The following AZIN2 variants were observed in gnomAD, a reference collection of about 807,000 sequenced individuals.
AZIN2 encodes antizyme inhibitor 2.
In AZIN2, 28 loss-of-function variants were observed where a neutral mutation model predicts 47.8. The ratio of observed to expected loss-of-function variants is 0.59; its 90% CI spans 0.43 to 0.80. AZIN2 has a LOEUF of 0.80. Ranked by LOEUF, AZIN2 falls within the 30% of genes least tolerant of loss-of-function variation. The probability of loss-of-function intolerance (pLI) is 0.00; values close to 1 mark genes in which losing one functional copy is unlikely to be tolerated. For missense variants in AZIN2, 535 were observed against 582.5 expected (o/e 0.92, Z 0.84); for synonymous variants, 221 against 239.4 (o/e 0.92, Z 0.71).
chr1:33,158,838 T>G, the AZIN2 span, among the ~76,000 whole-genome samples: 1 of 150,806 alleles, frequency 6.6e-6, no homozygotes, highest in Non-Finnish European at 1.5e-5. Context: ...AGTTTTTTTC[T>G]TTTTTTTCTT....
At chr1:33,093,166 G>T in intron 6 of AZIN2, 116 bp from the exon 7 acceptor site, 1 of 1,392,772 alleles carries the variant, frequency 7.2e-7, no homozygotes, top group Non-Finnish European at 9.9e-7. Context: ...AGGGGTCAGG[G>T]AGCCTGTGGG....
rs543894651 is a variant in AZIN2 at position 33,088,912 on chromosome 1, A to G, written c.280-3138A>G. Among the ~76,000 whole-genome samples, 30 of 152,190 alleles carry G rather than the reference A, an allele frequency of 2.0e-4. No individual in the cohort carries two copies. In the South Asian group the frequency reaches 3.9e-3, roughly 20 times the overall value. On this transcript the variant is annotated intron_variant, in intron 5 of 11. Coordinates refer to ENST00000294517, the MANE Select transcript of AZIN2 (RefSeq NM_052998.4). ...GTAATTCCATCATTATTCAGCGCTC[A>G]TTTGGGACTGCCCTGCCTATCTTTC...
At chr1:33,124,475 C>T (rs1644843185), downstream of AZIN2, among the ~76,000 whole-genome samples, 1 of 152,136 alleles carries the variant, frequency 6.6e-6, no homozygotes, top group Non-Finnish European at 1.5e-5. The surrounding 1 kb of genome is among the most constrained non-coding windows in gnomAD (Gnocchi z 4.6). Flanking sequence ...GTGGCATGTA[C>T]TTCCTTCACC....
At chr1:33,094,753 C>T (rs372823554) in intron 8 of AZIN2, 40 bp downstream of exon 8, 57 of 1,606,174 alleles carry the variant, frequency 3.5e-5, no homozygotes, top group African/African-American at 1.9e-4. Context: ...GGCTCTATGG[C>T]GGGGAGGATA....
chr1:33,101,704 G>A, intron 10 of AZIN2: 1 of 578,438 alleles, frequency 1.7e-6, no homozygotes, highest in Non-Finnish European at 3.1e-6. Context: ...TTCTTTTTCA[G>A]TATAGGTTTA....
In AZIN2 at chr1:33,096,826, C is replaced by T; in HGVS notation, c.873C>T (p.Ile291=). ...CGGCCTTCACTGTGGCAGTCAGCAT[C>T]ATTGCCAAGAAGGAGGTTCTGCTAG... is the stretch of plus-strand genomic sequence containing the variant. ...VTSAFTVAVS[I]IAKKEVLLDQ... is the part of the protein sequence containing the mutation. The change falls in exon 9 of 12, where the codon ATC becomes ATT. Residue 291 remains isoleucine (I), a synonymous_variant. Transcript: ENST00000294517. The T allele has an allele frequency of 6.2e-7, 1 of 1,614,204 alleles. No individual in the cohort carries two copies. Among genetic ancestry groups the T allele is most frequent in the Non-Finnish European group, 8.5e-7 (1 of 1,180,030 alleles).
At chr1:33,109,581 G>A (rs1281772751) in intron 10 of AZIN2, among the ~76,000 whole-genome samples, 1 of 151,906 alleles carries the variant, frequency 6.6e-6, no homozygotes, top group Non-Finnish European at 1.5e-5. Flanking sequence ...TGCCTGCCTC[G>A]ACCTCCCAAA....
At chr1:33,139,906 T>C in the AZIN2 span, among the ~76,000 whole-genome samples, 1 of 152,154 alleles carries the variant, frequency 6.6e-6, no homozygotes, top group Middle Eastern at 3.2e-3. Context: ...CTCTGCTGCT[T>C]GTCAGGGTTT....
At chr1:33,095,139 T>G (rs543809122) in intron 8 of AZIN2, among the ~76,000 whole-genome samples, 1 of 152,216 alleles carries the variant, frequency 6.6e-6, no homozygotes, top group Non-Finnish European at 1.5e-5. Context: ...TTACCCACTG[T>G]GAGGTGAAGT....
chr1:33,094,949 A>T (rs1199838108), intron 8 of AZIN2, among the ~76,000 whole-genome samples: 1 of 152,192 alleles, frequency 6.6e-6, no homozygotes, highest in African/African-American at 2.4e-5. Context: ...CCTGCCATGC[A>T]CTTCAGCCAA....
At chr1:33,160,018 G>A in the AZIN2 span, 19 of 1,555,584 alleles carry the variant, frequency 1.2e-5, no homozygotes, top group South Asian at 1.2e-4. Flanking sequence ...GGAGGAAATC[G>A]AGAGCCTTGA....
At chr1:33,143,580 G>A in the AZIN2 span, among the ~76,000 whole-genome samples, 3 of 152,058 alleles carry the variant, frequency 2.0e-5, no homozygotes, top group Non-Finnish European at 4.4e-5. Context: ...TCCCATCCTC[G>A]TTCTCATTCC....
At chr1:33,102,004 C>T (rs1382322166) in intron 10 of AZIN2, 1 of 671,062 alleles carries the variant, frequency 1.5e-6, no homozygotes, top group Non-Finnish European at 2.8e-6. Context: ...TTCTTGTTTC[C>T]CTCTCTCTGA....
Position 33,096,812 on chromosome 1 carries a change from G to A in AZIN2, c.859G>A (p.Val287Met). The A allele has an allele frequency of 6.2e-7, 1 of 1,614,214 alleles. No individual in the cohort carries two copies. Residue 287 changes from valine to methionine, a missense_variant, in exon 9 of 12, where the codon GTG (valine) becomes ATG (methionine). Around this residue, in one of 3 missense-constraint regions of AZIN2, gnomAD observed 409 missense variants for 429.0 expected, o/e 0.95. Coordinates refer to ENST00000294517, the MANE Select transcript of AZIN2 (RefSeq NM_052998.4). Reference protein sequence around the residue: ...GRYYVTSAFTVAVSIIAKKEV... With the variant: ...GRYYVTSAFTMAVSIIAKKEV... The stretch of plus-strand genomic sequence containing the variant: ...CTACTACGTGACCTCGGCCTTCACT[G>A]TGGCAGTCAGCATCATTGCCAAGAA...
At chr1:33,135,435 C>T in the AZIN2 span, among the ~76,000 whole-genome samples, 1 of 152,352 alleles carries the variant, frequency 6.6e-6, no homozygotes, top group Admixed American at 6.5e-5. Flanking sequence ...AAGAGACCAC[C>T]TGGCACGTGG....
At position 33,084,811 on chromosome 1, in the gene AZIN2, G is replaced by A. The variant is rs117018892; in HGVS notation, c.279+684G>A. On this transcript the variant is annotated intron_variant, in intron 5 of 11. Transcript: ENST00000294517. ...GACAGGATTTCAGCATGTTGGCCAG[G>A]TTGATCTCAAACTCCTGAACTCAGG... 3.6e-3 allele frequency among the ~76,000 whole-genome samples: 545 copies of A among 152,218 alleles called. 23 individuals carry two copies. The East Asian group carries it at 0.093, about 26-fold the overall frequency.
chr1:33,083,878 T>A (rs1221321947), intron 4 of AZIN2, 76 bp from the exon 5 acceptor site: 1 of 1,572,602 alleles, frequency 6.4e-7, no homozygotes, highest in Non-Finnish European at 8.7e-7. Flanking sequence ...GGTCAGGTAC[T>A]TGGAAGGATC....
chr1:33,147,870 C>T, the AZIN2 span: 1 of 884,558 alleles, frequency 1.1e-6, no homozygotes, highest in South Asian at 1.8e-5. The surrounding 1 kb of genome is among the most constrained non-coding windows in gnomAD (Gnocchi z 8.1). Context: ...AGTCTGCCCT[C>T]TCTGGGCCTC....
intron 3 of AZIN2, 22 bp from the exon 4 acceptor site, chr1:33,082,156 T>G: frequency 9.2e-7 from 1 of 1,086,476 alleles, no homozygotes; most frequent in Non-Finnish European, 1.4e-6. Flanking sequence ...AGCGGTTCCC[T>G]TCATCTCCCC....
Sources: gnomAD v4.1 joint callset for allele counts (sites outside exome capture counted in the v4.1 genomes callset) on GRCh38, gnomAD v4.1.1 for gene constraint, gnomAD v4.1.1 regional missense constraint, Gnocchi (gnomAD v3.1) non-coding constraint, MANE v1.5 for transcripts, NCBI Gene and HGNC (gene_info 2026-07-23, HGNC 2026-07-21) for gene names.